The following RGSL1 variants were observed in gnomAD, a reference collection of about 807,000 sequenced individuals.
RGSL1 encodes the protein regulator of G protein signaling like 1, also known as regulator of G protein signaling protein-like.
A neutral mutation model predicts 124.7 loss-of-function variants in RGSL1; 97 were observed. That is an observed-to-expected ratio of 0.78 (90% confidence interval 0.66 to 0.92). The LOEUF is 0.92. RGSL1 is among the 40% of genes least tolerant of loss of function. The pLI, the probability that RGSL1 is intolerant of heterozygous loss-of-function variation, is 0.00. For missense variants in RGSL1, 1,233 were observed against 1,288.4 expected, an observed-to-expected ratio of 0.96 and a Z score of 0.66; for synonymous variants, 424 against 438.1, an observed-to-expected ratio of 0.97 and a Z score of 0.40.
At chr1:182,503,372 A>G (rs1006050003) in intron 9 of RGSL1, among the ~76,000 whole-genome samples, 1 of 152,198 alleles carries the variant, frequency 6.6e-6, no homozygotes, top group African/African-American at 2.4e-5. Context: ...GCTCCTATAC[A>G]CAATGGAATA....
chr1:182,535,933 C>T (rs986072157), intron 14 of RGSL1, among the ~76,000 whole-genome samples: 2 of 152,120 alleles, frequency 1.3e-5, no homozygotes, highest in African/African-American at 2.4e-5. Context: ...AATCAACACC[C>T]TCCCCGCTCC....
intron 6 of RGSL1, among the ~76,000 whole-genome samples, chr1:182,487,767 T>C (rs1655200616): frequency 1.3e-5 from 2 of 152,214 alleles, no homozygotes; most frequent in Admixed American, 1.3e-4. Flanking sequence ...AAAGCATTTG[T>C]CAAATGAATG....
At chr1:182,516,792 A>G (rs1657929343) in intron 9 of RGSL1, among the ~76,000 whole-genome samples, 2 of 152,164 alleles carry the variant, frequency 1.3e-5, no homozygotes, top group Admixed American at 1.3e-4. Flanking sequence ...TTTACGTATT[A>G]CTAATGTTTT....
intron 9 of RGSL1, among the ~76,000 whole-genome samples, chr1:182,506,649 T>C (rs1474595606): frequency 6.6e-6 from 1 of 152,216 alleles, no homozygotes; most frequent in Non-Finnish European, 1.5e-5. Flanking sequence ...TGTTTCCATT[T>C]AAATCCAATC....
In RGSL1 at chr1:182,553,496, G is replaced by C. The variant is rs1660689144; in HGVS notation, c.3085G>C (p.Glu1029Gln). The change falls in exon 19 of 22, where the codon GAG (glutamate) becomes CAG (glutamine). Residue 1029 changes from glutamate to glutamine, a missense_variant. By Grantham distance (29) the Glu-to-Gln change is conservative. Transcript: ENST00000294854. ...AAGGTTCACCTTGCTCAGAGGTATTGAGTGGTTGCAGCCTCAACGGGAAGC... is the reference window on the plus strand; with the variant it reads ...AAGGTTCACCTTGCTCAGAGGTATTCAGTGGTTGCAGCCTCAACGGGAAGC... The part of the protein sequence containing the change: ...ILRFTLLRGI[E>Q]WLQPQREAIS... 6.4e-7 allele frequency: 1 copy of C among 1,552,042 alleles called. No homozygotes were observed. Among genetic ancestry groups the C allele is most frequent in the Non-Finnish European group, 8.7e-7 (1 of 1,147,074 alleles).
chr1:182,499,023 C>A (rs1656152933), intron 9 of RGSL1, among the ~76,000 whole-genome samples: 1 of 152,182 alleles, frequency 6.6e-6, no homozygotes, highest in Admixed American at 6.5e-5. Flanking sequence ...GAACTCCTGA[C>A]CTCAGGTGAT....
At chr1:182,469,187 C>T (rs147822509) in intron 4 of RGSL1, among the ~76,000 whole-genome samples, 1 of 152,116 alleles carries the variant, frequency 6.6e-6, no homozygotes, top group African/African-American at 2.4e-5. Context: ...AATCAAAAAA[C>T]TTGTGCATCA....
rs1655657432 is a variant in RGSL1, at chr1:182,493,113, G to A, written c.1809G>A (p.Glu603=). Reference sequence around the variant, plus strand: ...GTGATGACTACAAAATATACTGTGAGAAAGCACCTAAAATAGGCAAGTGTT... The same window carrying A: ...GTGATGACTACAAAATATACTGTGAAAAAGCACCTAAAATAGGCAAGTGTT... The part of the protein sequence containing the change: ...KISDDYKIYC[E]KAPKIDFKME... The change falls in exon 9 of 22, where the codon GAG becomes GAA. Residue 603 remains glutamate, a synonymous_variant. Coordinates refer to ENST00000294854, the MANE Select transcript of RGSL1 (RefSeq NM_001137669.2). The A allele has an allele frequency of 6.5e-7, 1 of 1,550,274 alleles. No individual in the cohort carries two copies. The highest frequency in any genetic ancestry group is 8.7e-7 in the Non-Finnish European group (1 of 1,145,830).
chr1:182,550,152 G>A (rs1184279107), intron 17 of RGSL1: 2 of 152,218 alleles, frequency 1.3e-5, no homozygotes, highest in African/African-American at 4.8e-5. Context: ...CAGTGGGTGG[G>A]GAGGAGTATT....
At chr1:182,547,246 T>C (rs1228087886) in intron 15 of RGSL1, among the ~76,000 whole-genome samples, 1 of 152,246 alleles carries the variant, frequency 6.6e-6, no homozygotes, top group African/African-American at 2.4e-5. Flanking sequence ...ATAGGTGCTA[T>C]GGGAGAATCA....
At chr1:182,539,062 T>C (rs1196056719) in intron 14 of RGSL1, among the ~76,000 whole-genome samples, 2 of 152,250 alleles carry the variant, frequency 1.3e-5, no homozygotes, top group Middle Eastern at 3.4e-3. Flanking sequence ...TCCTGAAATT[T>C]TGTGAGCTAC....
intron 11 of RGSL1, 146 bp from the exon 12 acceptor site, chr1:182,530,098 A>G (rs1659052314): frequency 3.3e-6 from 2 of 601,978 alleles, no homozygotes; most frequent in East Asian, 2.8e-5. Context: ...GAGATTTTCA[A>G]ACAAACTATG....
chr1:182,466,874 T>A (rs568086133), intron 4 of RGSL1, among the ~76,000 whole-genome samples: 6 of 152,102 alleles, frequency 3.9e-5, no homozygotes, highest in South Asian at 2.1e-4. Flanking sequence ...TTTGAAAAAA[T>A]TTCAAAAAAG....
chr1:182,512,085 T>C (rs927965940), intron 9 of RGSL1, among the ~76,000 whole-genome samples: 2 of 152,214 alleles, frequency 1.3e-5, no homozygotes, highest in South Asian at 2.1e-4. Flanking sequence ...TGATTTTGTA[T>C]CCTGAAACCT....
chr1:182,484,995 G>A (rs1654994762), intron 6 of RGSL1, among the ~76,000 whole-genome samples: 1 of 152,184 alleles, frequency 6.6e-6, no homozygotes, highest in Admixed American at 6.5e-5. Context: ...TAGCACGGTA[G>A]TCTTGCAGGC....
At chr1:182,456,360 A>T (rs931137294) in intron 2 of RGSL1, among the ~76,000 whole-genome samples, 1 of 151,426 alleles carries the variant, frequency 6.6e-6, no homozygotes, top group Admixed American at 6.6e-5. Flanking sequence ...GCAGTGGCAC[A>T]ATCTCATCTC....
chr1:182,452,135 C>T (rs1431912400), intron 1 of RGSL1, among the ~76,000 whole-genome samples: 1 of 151,972 alleles, frequency 6.6e-6, no homozygotes. Flanking sequence ...GGAAAAGGAG[C>T]AGGTTGGGAG....
chr1:182,517,218 T>A (rs1657963022), intron 9 of RGSL1, among the ~76,000 whole-genome samples: 1 of 152,164 alleles, frequency 6.6e-6, no homozygotes, highest in African/African-American at 2.4e-5. Context: ...TGATTTCTAT[T>A]GAGAAGTCTG....
chr1:182,490,338 G>GT (rs1655425786), intron 8 of RGSL1, among the ~76,000 whole-genome samples: 1 of 152,162 alleles, frequency 6.6e-6, no homozygotes, highest in South Asian at 2.1e-4. Flanking sequence ...CCCCTAATTT[G>GT]TTCAGGATTA....
Sources: gnomAD v4.1 joint callset for allele counts (sites outside exome capture counted in the v4.1 genomes callset) on GRCh38, gnomAD v4.1.1 for gene constraint, MANE v1.5 for transcripts, NCBI Gene and HGNC (gene_info 2026-07-23, HGNC 2026-07-21) for gene names.